The following ZMAT3 variants were observed in gnomAD, a reference collection of about 807,000 sequenced individuals.
ZMAT3 encodes the protein zinc finger matrin-type protein 3.
ZMAT3 carries 17 observed loss-of-function variants against 32.3 expected under a neutral mutation model. The ratio of observed to expected loss-of-function variants is 0.53; its 90% CI spans 0.36 to 0.79. The LOEUF (loss-of-function observed/expected upper bound fraction) is 0.79, where lower values mean the gene tolerates loss of function less well. Among genes scored for constraint, ZMAT3 ranks in the 30% least tolerant of loss-of-function variants. The pLI, the probability that ZMAT3 is intolerant of heterozygous loss-of-function variation, is 0.00. For synonymous variants in ZMAT3, 120 were observed against 133.1 expected (o/e 0.90, Z 0.68); for missense variants, 329 against 359.7 (o/e 0.91, Z 0.69).
chr3:179,031,319 T>A (rs940993915), intron 2 of ZMAT3, among the ~76,000 whole-genome samples: 1 of 151,140 alleles, frequency 6.6e-6, no homozygotes, highest in African/African-American at 2.4e-5. Flanking sequence ...ATATCTCCTA[T>A]GGATAAAAAA....
intron 2 of ZMAT3, among the ~76,000 whole-genome samples, chr3:179,034,075 C>T (rs1719448297): frequency 6.6e-6 from 1 of 152,158 alleles, no homozygotes; most frequent in South Asian, 2.1e-4. Flanking sequence ...GTCAATAGTA[C>T]AAAAGCATTC....
At chr3:179,058,159 A>G (rs1473224543) in intron 2 of ZMAT3, among the ~76,000 whole-genome samples, 1 of 152,198 alleles carries the variant, frequency 6.6e-6, no homozygotes, top group African/African-American at 2.4e-5. Context: ...AGCAGTTAAA[A>G]TAACACAGGG....
chr3:179,022,463 A>T lies in ZMAT3; in HGVS notation c.*2554T>A, dbSNP rs1316008503. 2.6e-5 allele frequency: 4 copies of T among 152,054 alleles called. No individual in the cohort carries two copies. The highest frequency in any genetic ancestry group is 2.0e-4 in the Admixed American group (3 of 15,264). The allele number at this position is 152,054 out of a possible 1,614,324, so 9.4% of individuals were successfully genotyped here. On this transcript the variant is annotated 3_prime_UTR_variant, in exon 6 of 6. Coordinates refer to ENST00000311417, the MANE Select transcript of ZMAT3 (RefSeq NM_022470.4). Reference sequence around the variant, plus strand: ...TGCATACACACACATCTACCTATGGAGGAAAAAAACTAGATTTTTAGGTAA... The same window carrying T: ...TGCATACACACACATCTACCTATGGTGGAAAAAAACTAGATTTTTAGGTAA...
intron 2 of ZMAT3, among the ~76,000 whole-genome samples, chr3:179,052,728 A>G (rs570913942): frequency 2.6e-5 from 4 of 152,316 alleles, no homozygotes; most frequent in African/African-American, 9.6e-5. Context: ...TTTGCAACTG[A>G]AAAAATATGC....
At chr3:179,027,597 A>C in intron 4 of ZMAT3, 49 bp downstream of exon 4, 1 of 1,613,854 alleles carries the variant, frequency 6.2e-7, no homozygotes, top group Non-Finnish European at 8.5e-7. Flanking sequence ...CTTTAAAGAC[A>C]GTCAATCTCA....
intron 2 of ZMAT3, among the ~76,000 whole-genome samples, chr3:179,058,102 C>A (rs1202747460): frequency 6.6e-6 from 1 of 152,164 alleles, no homozygotes; most frequent in African/African-American, 2.4e-5. Flanking sequence ...AAAGGGTTAG[C>A]CTCATTGTTT....
In ZMAT3 at chr3:179,024,862, C is replaced by T; in HGVS notation, c.*155G>A. ...ACCTCCCCCCGCCCCGCCCCCGGGC[C>T]CCCAGGTTTTGACATCTCATGGTAC... On this transcript the variant is annotated 3_prime_UTR_variant, in exon 6 of 6. Coordinates refer to ENST00000311417, the MANE Select transcript of ZMAT3 (RefSeq NM_022470.4). 2 of 586,402 alleles carry T rather than the reference C, an allele frequency of 3.4e-6. No homozygotes were observed. The highest frequency in any genetic ancestry group is 1.8e-5 in the South Asian group (1 of 54,512). 36.3% of individuals were successfully genotyped at this position (586,402 alleles called of 1,614,324 possible).
chr3:179,031,567 CAA>C (rs1719195692), intron 2 of ZMAT3, among the ~76,000 whole-genome samples: 1 of 152,114 alleles, frequency 6.6e-6, no homozygotes. Flanking sequence ...CTGGGAAAGA[CAA>C]GAGAACACAG....
At position 179,071,595 on chromosome 3, in the gene ZMAT3, C is replaced by A. The variant is rs1168260887; in HGVS notation, c.-58G>T. ...GCGGCTCCCAATCGCCCGCACTTACCGGAACCCCCGGGACGCGCCGGCAGT... is the reference window on the plus strand; with the variant it reads ...GCGGCTCCCAATCGCCCGCACTTACAGGAACCCCCGGGACGCGCCGGCAGT... On this transcript the variant is annotated splice_region_variant and 5_prime_UTR_variant, in exon 1 of 6. Transcript: ENST00000311417. 6.6e-6 allele frequency: 1 copy of A among 152,146 alleles called. No individual in the cohort carries two copies. The highest frequency in any genetic ancestry group is 2.4e-5 in the African/African-American group (1 of 41,440). The allele number at this position is 152,146 out of a possible 1,614,324, so 9.4% of individuals were successfully genotyped here.
chr3:179,034,072 G>A (rs1375806204), intron 2 of ZMAT3, among the ~76,000 whole-genome samples: 3 of 152,188 alleles, frequency 2.0e-5, no homozygotes, highest in Admixed American at 1.3e-4. Context: ...AGGGTCAATA[G>A]TACAAAAGCA....
intron 2 of ZMAT3, among the ~76,000 whole-genome samples, chr3:179,033,504 T>A (rs930786534): frequency 5.7e-4 from 83 of 146,390 alleles, no homozygotes; most frequent in Non-Finnish European, 8.3e-4. Context: ...ACTAAAAAAA[T>A]TTTAAAAAAA....
At position 179,025,842 on chromosome 3, in the gene ZMAT3, T is replaced by C. The variant is rs946546283; in HGVS notation, c.659-614A>G. On this transcript the variant is annotated intron_variant, in intron 5 of 5. Transcript: ENST00000311417. ...TCCCATTTCTATTTTAAAGAAGTCA[T>C]ACATATGAAGAGACTAGAATGAAAT... Among the ~76,000 whole-genome samples, 3 of 152,216 alleles carry C rather than the reference T, an allele frequency of 2.0e-5. No homozygotes were observed. In the East Asian group the frequency reaches 5.8e-4, roughly 29 times the overall value.
chr3:179,040,652 T>C (rs1239598113), intron 2 of ZMAT3, among the ~76,000 whole-genome samples: 2 of 152,076 alleles, frequency 1.3e-5, no homozygotes, highest in Non-Finnish European at 2.9e-5. Context: ...ATCGATGCTA[T>C]GAAAAAACTG....
rs2108592089 is a variant in ZMAT3, at chr3:179,067,633, C to T, written c.120G>A (p.Gly40=). 1 of 1,614,168 alleles carries T rather than the reference C, an allele frequency of 6.2e-7. No individual in the cohort carries two copies. The highest frequency in any genetic ancestry group is 1.1e-5 in the South Asian group (1 of 91,076). The change falls in exon 2 of 6, where the codon GGG becomes GGA. Residue 40 remains glycine, a synonymous_variant. Transcript: ENST00000311417. ...CTGCAAGAGGCAAGGAAGCCTCCTGCCCAAAAGGCTTCTGTGGTGGAAGCT... is the reference window on the plus strand; with the variant it reads ...CTGCAAGAGGCAAGGAAGCCTCCTGTCCAAAAGGCTTCTGTGGTGGAAGCT... ...TLQLPPQKPF[G]QEASLPLAGE... is the part of the protein sequence containing the mutation.
intron 2 of ZMAT3, among the ~76,000 whole-genome samples, chr3:179,031,779 T>G (rs1262280434): frequency 6.6e-6 from 1 of 151,864 alleles, no homozygotes; most frequent in Non-Finnish European, 1.5e-5. Flanking sequence ...TGGTGGCACA[T>G]GCCTGTAATC....
intron 2 of ZMAT3, among the ~76,000 whole-genome samples, chr3:179,058,592 T>C (rs1720979429): frequency 6.6e-6 from 1 of 151,738 alleles, no homozygotes; most frequent in Non-Finnish European, 1.5e-5. Flanking sequence ...CCGTCTCTAC[T>C]AAAAATACAA....
At chr3:179,057,945 A>G (rs1209191405) in intron 2 of ZMAT3, among the ~76,000 whole-genome samples, 1 of 152,208 alleles carries the variant, frequency 6.6e-6, no homozygotes, top group Non-Finnish European at 1.5e-5. Flanking sequence ...CCCTAACCCA[A>G]GTCCCAGTGT....
chr3:179,055,260 A>C (rs752704364), intron 2 of ZMAT3, among the ~76,000 whole-genome samples: 2 of 152,186 alleles, frequency 1.3e-5, no homozygotes, highest in Non-Finnish European at 2.9e-5. Flanking sequence ...CCTGGCCACA[A>C]TATCCTCTTC....
chr3:179,030,594 T>C (rs1015380755), intron 3 of ZMAT3, among the ~76,000 whole-genome samples: 2 of 152,144 alleles, frequency 1.3e-5, no homozygotes, highest in African/African-American at 2.4e-5. Flanking sequence ...GACCTCGTGA[T>C]TCGCCCGTCT....
Sources: gnomAD v4.1 joint callset for allele counts (sites outside exome capture counted in the v4.1 genomes callset) on GRCh38, gnomAD v4.1.1 for gene constraint, MANE v1.5 for transcripts, NCBI Gene and HGNC (gene_info 2026-07-23, HGNC 2026-07-21) for gene names.